Variants in CSGALNACT1 observed in about 807,000 individuals in gnomAD.
The protein encoded by CSGALNACT1 is chondroitin sulfate N-acetylgalactosaminyltransferase 1.
In CSGALNACT1, 52 loss-of-function variants were observed where a neutral mutation model predicts 51.0. The ratio of observed to expected loss-of-function variants is 1.02; its 90% CI spans 0.82 to 1.29. The LOEUF (loss-of-function observed/expected upper bound fraction) is 1.29, where lower values mean the gene tolerates loss of function less well. CSGALNACT1 is among the 50% of genes most tolerant of loss of function. CSGALNACT1 has a pLI of 0.00. For missense variants in CSGALNACT1, 935 were observed against 679.2 expected (o/e 1.38, Z -4.19); for synonymous variants, 341 against 254.4 (o/e 1.34, Z -3.24).
intron 1 of CSGALNACT1, among the ~76,000 whole-genome samples, chr8:19,746,840 G>GCCATTCATT (rs1274561961): frequency 6.6e-6 from 1 of 152,154 alleles, no homozygotes; most frequent in African/African-American, 2.4e-5. Flanking sequence ...TCAAAGCTTT[G>GCCATTCATT]CCATTCATTC....
intron 1 of CSGALNACT1, among the ~76,000 whole-genome samples, chr8:19,623,960 G>C (rs181531933): frequency 2.0e-5 from 3 of 152,354 alleles, no homozygotes; most frequent in African/African-American, 7.2e-5. Context: ...GATCACTGGA[G>C]GCAAATGGCG....
chr8:19,592,843 A>C (rs975944072), intron 2 of CSGALNACT1, among the ~76,000 whole-genome samples: 1 of 152,234 alleles, frequency 6.6e-6, no homozygotes, highest in Admixed American at 6.5e-5. Flanking sequence ...TAAAGAACAC[A>C]TAAGTTCTTT....
intron 2 of CSGALNACT1, 65 bp downstream of exon 2, chr8:19,601,706 C>T (rs181374950): frequency 2.2e-5 from 9 of 401,294 alleles, no homozygotes; most frequent in African/African-American, 4.2e-5. Context: ...TCAAACACAT[C>T]CAGAATATTG....
chr8:19,622,574 G>A (rs1589096490), intron 1 of CSGALNACT1, among the ~76,000 whole-genome samples: 1 of 152,234 alleles, frequency 6.6e-6, no homozygotes, highest in Non-Finnish European at 1.5e-5. Context: ...CAGGATAGTA[G>A]CATATAAATT....
rs182913207 is a variant in CSGALNACT1, at chr8:19,616,514, C to T, written c.-543-14649G>A. Among the ~76,000 whole-genome samples, 27 of 152,266 alleles carry T rather than the reference C, an allele frequency of 1.8e-4. No individual in the cohort carries two copies. The East Asian group carries it at 3.1e-3, about 17-fold the overall frequency. ...ATATTTGATATAGTTTAGACATTTG[C>T]GCCCCCAAATCTCATGTTGAAATGT... On this transcript the variant is annotated intron_variant, in intron 1 of 9. Transcript: ENST00000332246.
intron 1 of CSGALNACT1, among the ~76,000 whole-genome samples, chr8:19,622,227 T>A (rs1296891591): frequency 6.6e-6 from 1 of 152,236 alleles, no homozygotes; most frequent in African/African-American, 2.4e-5. Flanking sequence ...TTTGTTGAAC[T>A]TGACTAAACA....
exon 1 of CSGALNACT1, chr8:19,602,279 A>T (rs2050604600): frequency 6.3e-6 from 1 of 158,794 alleles, no homozygotes; most frequent in South Asian, 1.8e-4. Flanking sequence ...CAGGAGGGAA[A>T]GTGCTGCCCC....
intron 3 of CSGALNACT1, among the ~76,000 whole-genome samples, chr8:19,521,771 G>C (rs921475251): frequency 6.6e-6 from 1 of 152,244 alleles, no homozygotes; most frequent in Non-Finnish European, 1.5e-5. Context: ...CTAGGAGAAA[G>C]ACAAGTTTGG....
intron 3 of CSGALNACT1, among the ~76,000 whole-genome samples, chr8:19,561,470 C>A (rs544111346): frequency 6.6e-6 from 1 of 152,290 alleles, no homozygotes; most frequent in Admixed American, 6.5e-5. Flanking sequence ...ATGAGTCCCT[C>A]TCCGAGGCCC....
intron 1 of CSGALNACT1, among the ~76,000 whole-genome samples, chr8:19,735,081 G>T (rs1239903307): frequency 6.6e-6 from 1 of 152,084 alleles, no homozygotes; most frequent in Non-Finnish European, 1.5e-5. Flanking sequence ...TGCCAGAAGA[G>T]ATCCCATGCA....
chr8:19,538,469 T>A (rs1450246122), intron 3 of CSGALNACT1, among the ~76,000 whole-genome samples: 2 of 152,028 alleles, frequency 1.3e-5, no homozygotes, highest in East Asian at 1.9e-4. Flanking sequence ...AAAAGATACT[T>A]GTAATTGGAA....
chr8:19,566,700 C>T (rs995396098), intron 3 of CSGALNACT1, among the ~76,000 whole-genome samples: 8 of 152,158 alleles, frequency 5.3e-5, no homozygotes, highest in South Asian at 2.1e-4. Context: ...TTTGAAGCCC[C>T]TTGCTTGATG....
chr8:19,479,127 G>T (rs543936053), intron 4 of CSGALNACT1, among the ~76,000 whole-genome samples: 26 of 152,334 alleles, frequency 1.7e-4, no homozygotes, highest in Admixed American at 1.4e-3. Flanking sequence ...AGACTTGAAA[G>T]AAATAGGAGA....
chr8:19,524,666 T>C (rs546720831), intron 3 of CSGALNACT1, among the ~76,000 whole-genome samples: 7 of 152,262 alleles, frequency 4.6e-5, no homozygotes, highest in Admixed American at 2.0e-4. Flanking sequence ...CTAAGGAGGC[T>C]TCAGCTTTTA....
intron 1 of CSGALNACT1, among the ~76,000 whole-genome samples, chr8:19,632,928 TTTC>T (rs1173532903): frequency 2.7e-5 from 3 of 110,446 alleles, no homozygotes; most frequent in African/African-American, 1.0e-4. Flanking sequence ...CTAATTTTTT[TTTC>T]TTTTTTTTTT....
chr8:19,458,593 G>C lies in CSGALNACT1; in HGVS notation c.684C>G (p.Phe228Leu), dbSNP rs763259780. Residue 228 changes from phenylalanine to leucine, a missense_variant, in exon 5 of 10, where the codon TTC becomes TTG. Transcript: ENST00000454498. ...TGAATTCGTGTTTGTGGTCCCCTTT[G>C]AAGGTGAGCTCATACAATGTCCCTT... The C allele has an allele frequency of 2.5e-6, 4 of 1,614,182 alleles. No homozygotes were observed. The Admixed American group carries it at 6.7e-5, about 27-fold the overall frequency.
intron 3 of CSGALNACT1, among the ~76,000 whole-genome samples, chr8:19,523,994 A>T (rs1314666799): frequency 2.0e-5 from 3 of 152,162 alleles, no homozygotes; most frequent in Non-Finnish European, 4.4e-5. Flanking sequence ...ATCATCATGG[A>T]TATAAAATAT....
chr8:19,715,603 T>C (rs899373485), intron 1 of CSGALNACT1, among the ~76,000 whole-genome samples: 1 of 152,214 alleles, frequency 6.6e-6, no homozygotes, highest in African/African-American at 2.4e-5. Context: ...GGTGCATGTG[T>C]CTCTATAATA....
chr8:19,697,777 T>C (rs575989279), intron 1 of CSGALNACT1, among the ~76,000 whole-genome samples: 86 of 150,992 alleles, frequency 5.7e-4, no homozygotes, highest in African/African-American at 2.1e-3. Context: ...GACTCTGGAG[T>C]TCAGAAAAAG....
Sources: allele counts gnomAD v4.1 joint callset (sites outside exome capture counted in the v4.1 genomes callset), GRCh38; gene constraint gnomAD v4.1.1; transcripts MANE v1.5; gene names NCBI Gene and HGNC (gene_info 2026-07-23, HGNC 2026-07-21).